The following METTL15 variants were observed in gnomAD, a reference collection of about 807,000 sequenced individuals.
The protein encoded by METTL15 is methyltransferase 15, mitochondrial 12S rRNA N4-cytidine.
A neutral mutation model predicts 38.3 loss-of-function variants in METTL15; 34 were observed. The observed-to-expected ratio is 0.89, with a 90% CI of 0.68 to 1.18. The LOEUF (loss-of-function observed/expected upper bound fraction) is 1.18. Ranked by LOEUF, METTL15 falls within the 50% of genes most tolerant of loss-of-function variation. The pLI, the probability that METTL15 is intolerant of heterozygous loss-of-function variation, is 0.00. For synonymous variants in METTL15, 162 were observed against 170.9 expected (o/e 0.95, Z 0.41); for missense variants, 438 against 498.4 (o/e 0.88, Z 1.15).
At chr11:28,205,925 A>G (rs1448550985) in intron 3 of METTL15, among the ~76,000 whole-genome samples, 2 of 149,518 alleles carry the variant, frequency 1.3e-5, no homozygotes, top group African/African-American at 5.0e-5. Context: ...GTGTCTGCTC[A>G]TGTCCTTCGC....
At chr11:28,470,359 G>A in intron 6 of METTL15, among the ~76,000 whole-genome samples, 1 of 152,206 alleles carries the variant, frequency 6.6e-6, no homozygotes, top group Non-Finnish European at 1.5e-5. Flanking sequence ...TTGTGGCCAG[G>A]TGTGGTAAAG....
chr11:28,438,957 G>A (rs1227109299), intron 6 of METTL15, among the ~76,000 whole-genome samples: 71 of 151,892 alleles, frequency 4.7e-4, no homozygotes, highest in Admixed American at 4.5e-3. Context: ...GATTACAAGC[G>A]TGAGCCACCG....
intron 3 of METTL15, among the ~76,000 whole-genome samples, chr11:28,172,406 A>T (rs190246422): frequency 6.6e-6 from 1 of 152,320 alleles, no homozygotes; most frequent in Non-Finnish European, 1.5e-5. Flanking sequence ...CTTCAAAAGC[A>T]TCACAGCAGC....
chr11:28,342,300 A>G (rs938880830), intron 3 of METTL15, among the ~76,000 whole-genome samples: 2 of 151,712 alleles, frequency 1.3e-5, no homozygotes, highest in East Asian at 1.9e-4. Context: ...GTCTTGCTCT[A>G]TTACCCACAC....
chr11:28,509,042 A>G (rs1335732207), intron 6 of METTL15, among the ~76,000 whole-genome samples: 1 of 152,064 alleles, frequency 6.6e-6, no homozygotes, highest in East Asian at 1.9e-4. Flanking sequence ...CCTTTTTTTG[A>G]CTAGGTAGTG....
chr11:28,442,219 T>C (rs1025540359), intron 6 of METTL15, among the ~76,000 whole-genome samples: 4 of 152,178 alleles, frequency 2.6e-5, no homozygotes, highest in African/African-American at 9.7e-5. Flanking sequence ...TATAGAAAGA[T>C]GATGTTTCAG....
intron 5 of METTL15, among the ~76,000 whole-genome samples, chr11:28,396,322 C>A (rs1009888000): frequency 2.0e-5 from 3 of 152,144 alleles, no homozygotes; most frequent in African/African-American, 7.2e-5. Context: ...TTGCAGATGA[C>A]ATAATTGTAT....
At chr11:28,286,106 TG>T (rs766947643) in intron 4 of METTL15, among the ~76,000 whole-genome samples, 2 of 152,270 alleles carry the variant, frequency 1.3e-5, no homozygotes, top group South Asian at 2.1e-4. Context: ...CTCACCTGAT[TG>T]TGGGGTCTGA....
At chr11:28,353,469 T>G (rs1850059597) in intron 4 of METTL15, among the ~76,000 whole-genome samples, 1 of 152,084 alleles carries the variant, frequency 6.6e-6, no homozygotes, top group South Asian at 2.1e-4. Context: ...GCTCATATGA[T>G]TATGTCTGTT....
At chr11:28,476,249 A>G (rs529230174) in intron 6 of METTL15, among the ~76,000 whole-genome samples, 2 of 152,330 alleles carry the variant, frequency 1.3e-5, no homozygotes, top group East Asian at 3.9e-4. Context: ...TTAACCAGAC[A>G]GAAATATCAG....
intron 3 of METTL15, among the ~76,000 whole-genome samples, chr11:28,204,678 T>C (rs1047855792): frequency 3.9e-5 from 6 of 151,926 alleles, no homozygotes; most frequent in Non-Finnish European, 7.4e-5. Flanking sequence ...TTTAGTGCAG[T>C]CTTAGTTTGT....
intron 4 of METTL15, among the ~76,000 whole-genome samples, chr11:28,224,796 A>C (rs933834593): frequency 3.3e-5 from 5 of 151,818 alleles, no homozygotes; most frequent in Non-Finnish European, 5.9e-5. Flanking sequence ...TGTGTTTTCT[A>C]TAAAAGGGTA....
chr11:28,355,827 G>T (rs1850085728), intron 4 of METTL15, among the ~76,000 whole-genome samples: 1 of 152,146 alleles, frequency 6.6e-6, no homozygotes, highest in Non-Finnish European at 1.5e-5. Flanking sequence ...CAAGTTTGTG[G>T]AAGGATTGAA....
chr11:28,528,871 G>T (rs758116401), downstream of METTL15, among the ~76,000 whole-genome samples: 19 of 152,216 alleles, frequency 1.2e-4, no homozygotes, highest in Non-Finnish European at 2.5e-4. Flanking sequence ...ATATTGTAAT[G>T]CATCTTTTAA....
chr11:28,196,879 C>T (rs1851929687), intron 3 of METTL15, among the ~76,000 whole-genome samples: 1 of 151,756 alleles, frequency 6.6e-6, no homozygotes. Context: ...GTTAAATTGG[C>T]CTATTGTTCA....
At chr11:28,287,228 T>TA (rs1856313695) in intron 4 of METTL15, 1 of 215,142 alleles carries the variant, frequency 4.6e-6, no homozygotes, top group African/African-American at 2.4e-5. Flanking sequence ...AAATTTGTAT[T>TA]ACATCTCTAG....
chr11:28,237,801 T>G (rs1031177782), intron 4 of METTL15, among the ~76,000 whole-genome samples: 3 of 152,176 alleles, frequency 2.0e-5, no homozygotes, highest in African/African-American at 7.2e-5. Context: ...TCCTTTCTGT[T>G]TGTTAGTTTC....
intron 6 of METTL15, among the ~76,000 whole-genome samples, chr11:28,313,550 A>C (rs565440230): frequency 2.9e-4 from 44 of 152,050 alleles, no homozygotes; most frequent in Non-Finnish European, 7.4e-5. Context: ...AGGAAATTAA[A>C]AAAAACTTAA....
intron 3 of METTL15, among the ~76,000 whole-genome samples, chr11:28,143,461 T>G (rs923349219): frequency 6.6e-6 from 1 of 152,284 alleles, no homozygotes; most frequent in Non-Finnish European, 1.5e-5. Flanking sequence ...GTTCCATTCT[T>G]TTTTCAAAAA....
Sources: gnomAD v4.1 joint callset for allele counts (sites outside exome capture counted in the v4.1 genomes callset) on GRCh38, gnomAD v4.1.1 for gene constraint, MANE v1.5 for transcripts, NCBI Gene and HGNC (gene_info 2026-07-23, HGNC 2026-07-21) for gene names.